WIPF3: variants seen among roughly 807,000 people sequenced by gnomAD.
WIPF3 encodes the protein WAS/WASL interacting protein family member 3.
In WIPF3, 33 loss-of-function variants were observed where a neutral mutation model predicts 38.9. That is an observed-to-expected ratio of 0.85 (90% CI 0.64 to 1.14). WIPF3 has a LOEUF of 1.14. Ranked by LOEUF, WIPF3 falls within the 50% of genes most tolerant of loss-of-function variation. WIPF3 has a pLI of 0.00. For synonymous variants in WIPF3, 324 were observed against 269.3 expected, an observed-to-expected ratio of 1.20 and a Z score of -1.99; for missense variants, 711 against 652.5, an observed-to-expected ratio of 1.09 and a Z score of -0.98.
At chr7:29,907,407 TG>T (rs1786418635) in intron 8 of WIPF3, among the ~76,000 whole-genome samples, 1 of 152,220 alleles carries the variant, frequency 6.6e-6, no homozygotes, top group Non-Finnish European at 1.5e-5. Flanking sequence ...TGTATGTTAT[TG>T]AATCTAAGCT....
At chr7:29,839,789 T>C (rs1390190223) in intron 2 of WIPF3, among the ~76,000 whole-genome samples, 5 of 152,232 alleles carry the variant, frequency 3.3e-5, no homozygotes, top group Non-Finnish European at 4.4e-5. Context: ...TAAATAGTGT[T>C]ATTGGAGCAC....
At chr7:29,853,244 C>G (rs955820939) in intron 2 of WIPF3, among the ~76,000 whole-genome samples, 1 of 152,210 alleles carries the variant, frequency 6.6e-6, no homozygotes, top group Non-Finnish European at 1.5e-5. Flanking sequence ...CCCCATCTGT[C>G]TTGCAGGGGT....
In WIPF3 at chr7:29,844,837, G is replaced by C. The variant is rs1299824238; in HGVS notation, c.90+10023G>C. The stretch of plus-strand genomic sequence containing the variant: ...CACTTACTGGGCAGGGCTATTATTG[G>C]GACTCTGGCCGAACGGCTCCCGGCT... On this transcript the variant is annotated intron_variant, in intron 2 of 8. Transcript: ENST00000242140. The surrounding 1 kb of genome is among the most constrained non-coding windows in gnomAD (Gnocchi z 4.8). Among the ~76,000 whole-genome samples, 1 of 152,140 alleles carries C rather than the reference G, an allele frequency of 6.6e-6. No individual in the cohort carries two copies.
At chr7:29,913,361 A>G (rs1270037593) in intron 8 of WIPF3, among the ~76,000 whole-genome samples, 1 of 152,016 alleles carries the variant, frequency 6.6e-6, no homozygotes, top group African/African-American at 2.4e-5. Flanking sequence ...AAAAAAAAAA[A>G]AAGGTTACTA....
intron 7 of WIPF3, among the ~76,000 whole-genome samples, chr7:29,893,543 C>A (rs1786070810): frequency 6.6e-6 from 1 of 152,098 alleles, no homozygotes; most frequent in Non-Finnish European, 1.5e-5. Context: ...GACAGCCAGG[C>A]CCGTGCAAGC....
Position 29,878,369 on chromosome 7 carries a change from T to C in WIPF3, c.224-640T>C, listed in dbSNP as rs868807912. Among the ~76,000 whole-genome samples, 1 of 152,240 alleles carries C rather than the reference T, an allele frequency of 6.6e-6. No homozygotes were observed. The highest frequency in any genetic ancestry group is 1.5e-5 in the Non-Finnish European group (1 of 68,042). On this transcript the variant is annotated intron_variant, in intron 3 of 8. Transcript: ENST00000242140. This position sits in a 1 kb window ranked among gnomAD's most constrained non-coding sequence, Gnocchi z 4.0. ...CTGAGTATCTTCTCGTTTTCTGTAG[T>C]TGGTAATCACACATGTCTGGAAGGC...
chr7:29,884,378 C>CCCGG lies in WIPF3; in HGVS notation c.884_885insCCGG (p.Leu296ArgfsTer23). 1 of 1,459,586 alleles carries CCCGG rather than the reference C, an allele frequency of 6.9e-7. No homozygotes were observed. The highest frequency in any genetic ancestry group is 9.1e-7 in the Non-Finnish European group (1 of 1,098,088). 90.4% of individuals were successfully genotyped at this position (1,459,586 alleles called of 1,614,324 possible). A position where few individuals can be genotyped will look rare whatever the true frequency, so the allele number is the denominator to read the frequency against. On this transcript the variant is annotated frameshift_variant, in exon 5 of 9. Transcript: ENST00000242140. LOFTEE classifies it high-confidence loss of function. The stretch of plus-strand genomic sequence containing the variant: ...CAGGAGCCTCCCGCCCCGCCGCCCC[C>CCCGG]GCTCCCCCCTTATGCTTCTTGCTCC...
At chr7:29,898,970 C>G (rs540207476) in intron 7 of WIPF3, among the ~76,000 whole-genome samples, 1 of 152,150 alleles carries the variant, frequency 6.6e-6, no homozygotes, top group Non-Finnish European at 1.5e-5. Context: ...CTGGGTGGCA[C>G]AAACAACAGA....
rs200240011 is a variant in WIPF3 at position 29,894,928 on chromosome 7, TG to T, written c.1351+5522del. On this transcript the variant is annotated intron_variant, in intron 7 of 8. Transcript: ENST00000242140. ...TTTTGTGTGTGTTGTTGTTTTTTTT[TG>T]TTGTTGTTGTTGTTTTTCGCTTTTG... Among the ~76,000 whole-genome samples the T allele has an allele frequency of 2.0e-3, 277 of 138,298 alleles. 3 individuals carry two copies. Among genetic ancestry groups the T allele is most frequent in the African/African-American group, 6.5e-3 (257 of 39,658 alleles). The allele number at this position is 138,298 out of a possible 152,430, so 90.7% of individuals were successfully genotyped here. A position where few individuals can be genotyped will look rare whatever the true frequency, so the allele number is the denominator to read the frequency against.
At chr7:29,874,811 T>C (rs1246638103) in intron 2 of WIPF3, among the ~76,000 whole-genome samples, 2 of 152,208 alleles carry the variant, frequency 1.3e-5, no homozygotes, top group Non-Finnish European at 1.5e-5. Flanking sequence ...ATCTCAGGGC[T>C]ACTTGCAGAA....
intron 1 of WIPF3, among the ~76,000 whole-genome samples, chr7:29,822,122 A>ATTTTTTTTTTTTTT (rs1784545814): frequency 2.5e-5 from 1 of 39,316 alleles, no homozygotes; most frequent in Non-Finnish European, 5.4e-5. Context: ...CTTTTTTCTT[A>ATTTTTTTTTTTTTT]GTTTTTTTTT....
intron 1 of WIPF3, among the ~76,000 whole-genome samples, chr7:29,811,572 C>G (rs1384823604): frequency 4.6e-5 from 7 of 152,244 alleles, no homozygotes; most frequent in Admixed American, 3.9e-4. Flanking sequence ...CCACAGTGAC[C>G]ATGAGATAAA....
At chr7:29,891,051 G>T (rs1385420346) in intron 7 of WIPF3, among the ~76,000 whole-genome samples, 1 of 146,340 alleles carries the variant, frequency 6.8e-6, no homozygotes, top group Non-Finnish European at 1.5e-5. Flanking sequence ...GGGGGCACGG[G>T]CCTGCCTTGT....
rs145090171 is a variant in WIPF3, at chr7:29,866,016, G to A, written c.91-9814G>A. On this transcript the variant is annotated intron_variant, in intron 2 of 8. Coordinates refer to ENST00000242140, the MANE Select transcript of WIPF3 (RefSeq NM_001080529.3). ...TCTACTAAAAATACAAAAATTAGCCGGGCGTGATGGCACATGCCTGTAATC... is the reference window on the plus strand; with the variant it reads ...TCTACTAAAAATACAAAAATTAGCCAGGCGTGATGGCACATGCCTGTAATC... Among the ~76,000 whole-genome samples, 723 of 152,234 alleles carry A rather than the reference G, an allele frequency of 4.7e-3. 2 individuals are homozygous for A. The highest frequency in any genetic ancestry group is 7.3e-3 in the Non-Finnish European group (499 of 68,014).
chr7:29,835,811 G>A (rs1466196591), intron 2 of WIPF3, among the ~76,000 whole-genome samples: 1 of 152,158 alleles, frequency 6.6e-6, no homozygotes, highest in Non-Finnish European at 1.5e-5. Flanking sequence ...GCTTAGAGAT[G>A]GTGTGAGCCA....
intron 8 of WIPF3, chr7:29,905,841 T>TC (rs1786385288): frequency 6.6e-6 from 1 of 152,006 alleles, no homozygotes; most frequent in African/African-American, 2.4e-5. Context: ...TCTTTTTTTT[T>TC]CCCCATTTGG....
In WIPF3 at chr7:29,900,548, T is replaced by C. The variant is rs141162310; in HGVS notation, c.1352-3738T>C. 3.8e-3 allele frequency among the ~76,000 whole-genome samples: 577 copies of C among 152,156 alleles called. 2 individuals carry two copies. The highest frequency in any genetic ancestry group is 5.7e-3 in the Non-Finnish European group (385 of 68,008). On this transcript the variant is annotated intron_variant, in intron 7 of 8. Transcript: ENST00000242140. ...ATGGAGGCTCTCATACCAGCCAAAA[T>C]GATGACAACAACAGTGGGGGATGAG... is the stretch of plus-strand genomic sequence containing the variant.
At chr7:29,848,050 C>T (rs1291241016) in intron 2 of WIPF3, among the ~76,000 whole-genome samples, 3 of 152,142 alleles carry the variant, frequency 2.0e-5, no homozygotes, top group Non-Finnish European at 4.4e-5. Flanking sequence ...GTCCATGGGG[C>T]CAGTACTTGC....
chr7:29,868,001 G>T (rs994827995), intron 2 of WIPF3, among the ~76,000 whole-genome samples: 1 of 152,040 alleles, frequency 6.6e-6, no homozygotes, highest in Non-Finnish European at 1.5e-5. Flanking sequence ...TCAAAAATAA[G>T]AAGCAAGACC....
Sources: allele counts gnomAD v4.1 joint callset (sites outside exome capture counted in the v4.1 genomes callset), GRCh38; gene constraint gnomAD v4.1.1; non-coding constraint Gnocchi (gnomAD v3.1); transcripts MANE v1.5; gene names NCBI Gene and HGNC (gene_info 2026-07-23, HGNC 2026-07-21).